MPDZ: variants seen among roughly 807,000 people sequenced by gnomAD.
MPDZ encodes the protein multiple PDZ domain crumbs cell polarity complex component, also known as multiple PDZ domain protein.
MPDZ carries 234 observed loss-of-function variants against 239.1 expected under a neutral mutation model. The observed-to-expected ratio is 0.98, with a 90% CI of 0.88 to 1.09. MPDZ has a LOEUF of 1.09. Among genes scored for constraint, MPDZ ranks in the 50% least tolerant of loss-of-function variants. MPDZ has a pLI of 0.00. For synonymous variants in MPDZ, 1,048 were observed against 881.3 expected, an observed-to-expected ratio of 1.19 and a Z score of -3.35; for missense variants, 3,175 against 2,510.0, an observed-to-expected ratio of 1.26 and a Z score of -5.66.
chr9:13,198,841 T>C lies in MPDZ; in HGVS notation c.1547-2611A>G, dbSNP rs185344364. ...GTCTGTTGGTGTGATGCCTCTAGCTTTGTTCTTTTTGCTCTAGACTGCTTT... is the reference window on the plus strand; with the variant it reads ...GTCTGTTGGTGTGATGCCTCTAGCTCTGTTCTTTTTGCTCTAGACTGCTTT... On this transcript the variant is annotated intron_variant, in intron 12 of 46. Coordinates refer to ENST00000319217, the MANE Select transcript of MPDZ (RefSeq NM_001378778.1). Among the ~76,000 whole-genome samples, 76 of 151,102 alleles carry C rather than the reference T, an allele frequency of 5.0e-4. 1 individual carries two copies. In the East Asian group the frequency reaches 0.012, roughly 24 times the overall value.
chr9:13,190,253 T>C lies in MPDZ; in HGVS notation c.2015A>G (p.Asp672Gly), dbSNP rs546388746. Reference sequence around the variant, plus strand: ...CGCATCAGTCATCGCCAGCACTGGATCCTCTGTCTCTGATGACCCGATGAA... The same window carrying C: ...CGCATCAGTCATCGCCAGCACTGGACCCTCTGTCTCTGATGACCCGATGAA... ...GEFIGSSETE[D>G]PVLAMTDAGQ... Residue 672 changes from aspartate to glycine, a missense_variant, in exon 16 of 47, where the codon GAT becomes GGT. By Grantham distance (94) the Asp-to-Gly change is moderately conservative (BLOSUM62 -1). Coordinates refer to ENST00000319217, the MANE Select transcript of MPDZ (RefSeq NM_001378778.1). 4 of 1,610,784 alleles carry C rather than the reference T, an allele frequency of 2.5e-6. No individual in the cohort carries two copies. The highest frequency in any genetic ancestry group is 2.7e-5 in the African/African-American group (2 of 74,952).
At chr9:13,169,852 T>C (rs189941859) in intron 21 of MPDZ, among the ~76,000 whole-genome samples, 45 of 152,278 alleles carry the variant, frequency 3.0e-4, no homozygotes, top group Non-Finnish European at 5.9e-4. Context: ...ATCTCGTCTC[T>C]GTCCGTTTTG....
At chr9:13,192,764 C>A (rs571229004) in intron 14 of MPDZ, among the ~76,000 whole-genome samples, 7 of 152,098 alleles carry the variant, frequency 4.6e-5, no homozygotes, top group South Asian at 2.1e-4. Context: ...TACAAAGAAG[C>A]AAATATATTA....
chr9:13,198,951 A>G (rs1008717998), intron 12 of MPDZ, among the ~76,000 whole-genome samples: 33 of 151,968 alleles, frequency 2.2e-4, no homozygotes, highest in Admixed American at 1.9e-3. Context: ...GTATATTCAT[A>G]GGTATGGCAT....
In MPDZ at chr9:13,136,085, C is replaced by T. The variant is rs1946695557; in HGVS notation, c.4383+7G>A. 1.9e-6 allele frequency: 3 copies of T among 1,574,488 alleles called. No individual in the cohort carries two copies. The highest frequency in any genetic ancestry group is 2.6e-6 in the Non-Finnish European group (3 of 1,146,674). ...TTCCCAGAGAAACAAACATAAGTTA[C>T]ATATACCTCCTTATTTTGAAGATTT... On this transcript the variant is annotated splice_region_variant and intron_variant, in intron 31 of 46. Coordinates refer to ENST00000319217, the MANE Select transcript of MPDZ (RefSeq NM_001378778.1).
Position 13,136,147 on chromosome 9 carries a change from G to C in MPDZ, c.4328C>G (p.Pro1443Arg), listed in dbSNP as rs576313246. The C allele has an allele frequency of 1.2e-6, 2 of 1,612,658 alleles. No homozygotes were observed. The highest frequency in any genetic ancestry group is 1.7e-6 in the Non-Finnish European group (2 of 1,179,314). ...AGGCAAAGGTTCTACTGCATTTCCA[G>C]GACATACGGCCATCTGATTCACTGC... ...KDAVNQMAVC[P>R]GNAVEPLPSN... The change falls in exon 31 of 47, where the codon CCT (proline) becomes CGT (arginine). Residue 1443 changes from proline (P) to arginine (R), a missense_variant. Coordinates refer to ENST00000319217, the MANE Select transcript of MPDZ (RefSeq NM_001378778.1).
intron 5 of MPDZ, 49 bp from the exon 6 acceptor site, chr9:13,222,495 G>T (rs752347206): frequency 1.4e-6 from 2 of 1,415,886 alleles, no homozygotes; most frequent in African/African-American, 1.4e-5. Flanking sequence ...AGTTCTCAAG[G>T]AAATGACAGC....
chr9:13,278,085 AG>A (rs1343192453), intron 1 of MPDZ, among the ~76,000 whole-genome samples: 2 of 152,200 alleles, frequency 1.3e-5, no homozygotes, highest in Non-Finnish European at 2.9e-5. Flanking sequence ...AACCTAAACC[AG>A]GAATTTCTAG....
At chr9:13,215,385 T>C (rs930385341) in intron 10 of MPDZ, among the ~76,000 whole-genome samples, 1 of 151,380 alleles carries the variant, frequency 6.6e-6, no homozygotes, top group Non-Finnish European at 1.5e-5. Flanking sequence ...TATAGCAATA[T>C]GTGTCTATAT....
intron 27 of MPDZ, among the ~76,000 whole-genome samples, chr9:13,141,695 C>T (rs1015693836): frequency 1.3e-5 from 2 of 152,008 alleles, no homozygotes; most frequent in African/African-American, 2.4e-5. Flanking sequence ...AATTAGGATA[C>T]CTAAAAATAT....
chr9:13,215,454 T>G (rs1369979755), intron 10 of MPDZ, among the ~76,000 whole-genome samples: 2 of 150,848 alleles, frequency 1.3e-5, no homozygotes, highest in Non-Finnish European at 3.0e-5. Context: ...TATATATATA[T>G]CACATTTTGT....
chr9:13,171,736 C>A (rs1951808747), intron 21 of MPDZ, among the ~76,000 whole-genome samples: 1 of 152,052 alleles, frequency 6.6e-6, no homozygotes, highest in Non-Finnish European at 1.5e-5. Context: ...TTCATGAAAT[C>A]AAAACAATGG....
At chr9:13,214,561 T>A (rs1400891407) in intron 10 of MPDZ, among the ~76,000 whole-genome samples, 2 of 152,030 alleles carry the variant, frequency 1.3e-5, no homozygotes, top group East Asian at 3.9e-4. Context: ...AATGGGTGAA[T>A]TGTATGGTAT....
rs941258296 is a variant in MPDZ at position 13,188,986 on chromosome 9, A to C, written c.2162T>G (p.Ile721Ser). Residue 721 changes from isoleucine to serine, a missense_variant, in exon 17 of 47, where the codon ATT (isoleucine) becomes AGT (serine). Coordinates refer to ENST00000319217, the MANE Select transcript of MPDZ (RefSeq NM_001378778.1). ...TATAATCACAGTGCTTGCTGGATCA[A>C]TTGGATCCTGACAGAAGGCAAAAGG... is the stretch of plus-strand genomic sequence containing the variant. ...GFSILDYQDP[I>S]DPASTVIIIR... 1 of 1,612,312 alleles carries C rather than the reference A, an allele frequency of 6.2e-7. No individual in the cohort carries two copies. Among genetic ancestry groups the C allele is most frequent in the African/African-American group, 1.3e-5 (1 of 74,880 alleles).
Position 13,136,737 on chromosome 9 carries a change from A to G in MPDZ, c.4267T>C (p.Ser1423Pro). ...CTGATAAAAATTATTTTCACTTTAG[A>G]AGGGGCACATTTAATGATTGATGAG... The part of the protein sequence containing the change: ...NASSIIKCAP[S>P]KVKIIFIRNK... The change falls in exon 30 of 47, where the codon TCT becomes CCT. Residue 1423 changes from serine to proline, a missense_variant. Physicochemically the swap from Ser to Pro is moderately conservative, Grantham distance 74 (BLOSUM62 -1). Transcript: ENST00000319217. 6.3e-7 allele frequency: 1 copy of G among 1,598,982 alleles called. No individual in the cohort carries two copies.
Position 13,138,069 on chromosome 9 carries a change from C to G in MPDZ, c.4088G>C (p.Ser1363Thr). 3 of 1,613,828 alleles carry G rather than the reference C, an allele frequency of 1.9e-6. No homozygotes were observed. Among genetic ancestry groups the G allele is most frequent in the Non-Finnish European group, 2.5e-6 (3 of 1,179,762 alleles). The change falls in exon 29 of 47, where the codon AGT becomes ACT. Residue 1363 changes from serine to threonine, a missense_variant. Transcript: ENST00000319217. ...GGATCGGTCTTTGTTCCCAGCAAGA[C>G]TTAGGCCCAAACCACTATGACCTTT... is the stretch of plus-strand genomic sequence containing the variant. ...LEKGHSGLGLSLAGNKDRSRM... is the reference protein window; with the variant it reads ...LEKGHSGLGLTLAGNKDRSRM...
intron 10 of MPDZ, among the ~76,000 whole-genome samples, chr9:13,215,359 T>G (rs1483189937): frequency 6.6e-6 from 1 of 151,428 alleles, no homozygotes; most frequent in African/African-American, 2.4e-5. Context: ...TATATATATA[T>G]CAATATGTGT....
intron 1 of MPDZ, among the ~76,000 whole-genome samples, chr9:13,272,814 G>A (rs1221496501): frequency 6.6e-6 from 1 of 151,854 alleles, no homozygotes; most frequent in Non-Finnish European, 1.5e-5. Flanking sequence ...GGAGTGAGAA[G>A]CCGAGGAGGA....
intron 1 of MPDZ, 131 bp downstream of exon 1, chr9:13,279,264 CCCCCA>C (rs1975056325): frequency 7.8e-6 from 1 of 128,004 alleles, no homozygotes; most frequent in African/African-American, 2.8e-5. Flanking sequence ...CCCACCCCCA[CCCCCA>C]CCCCCATCCC....
Sources: allele counts gnomAD v4.1 joint callset (sites outside exome capture counted in the v4.1 genomes callset), GRCh38; gene constraint gnomAD v4.1.1; transcripts MANE v1.5; gene names NCBI Gene and HGNC (gene_info 2026-07-23, HGNC 2026-07-21).